Variants in PTPN13 observed in about 807,000 individuals in gnomAD.
PTPN13 encodes tyrosine-protein phosphatase non-receptor type 13.
In PTPN13, 191 loss-of-function variants were observed where a neutral mutation model predicts 284.0. That is an observed-to-expected ratio of 0.67 (90% confidence interval 0.60 to 0.76). The LOEUF is 0.76. Ranked by LOEUF, PTPN13 falls within the 30% of genes least tolerant of loss-of-function variation. The pLI is 0.00. For missense variants in PTPN13, 2,797 were observed against 2,939.9 expected (o/e 0.95, Z 1.12); for synonymous variants, 986 against 1,022.3 (o/e 0.96, Z 0.68).
At chr4:86,791,870 A>G (rs1158669807) in intron 40 of PTPN13, among the ~76,000 whole-genome samples, 1 of 152,212 alleles carries the variant, frequency 6.6e-6, no homozygotes, top group African/African-American at 2.4e-5. Context: ...ATCTAAGACC[A>G]AAGGTAGATA....
chr4:86,809,590 A>G (rs10013878), intron 45 of PTPN13, among the ~76,000 whole-genome samples, 179 bp from the exon 46 acceptor site: 1 of 152,058 alleles, frequency 6.6e-6, no homozygotes, highest in Admixed American at 6.6e-5. Context: ...CCCAGCTACT[A>G]TGAGGCAGGA....
chr4:86,697,692 A>T (rs1730719474), intron 6 of PTPN13, among the ~76,000 whole-genome samples: 1 of 152,158 alleles, frequency 6.6e-6, no homozygotes, highest in African/African-American at 2.4e-5. Context: ...TTTCTTTTGA[A>T]ACGCACTTGG....
chr4:86,809,936 C>G lies in PTPN13; in HGVS notation c.7251C>G (p.Thr2417=). 1.2e-6 allele frequency: 2 copies of G among 1,613,944 alleles called. No individual in the cohort carries two copies. The highest frequency in any genetic ancestry group is 1.3e-5 in the African/African-American group (1 of 75,020). Residue 2417 remains threonine (T), a synonymous_variant, in exon 46 of 48, where the codon ACC becomes ACG. Coordinates refer to ENST00000411767, the MANE Select transcript of PTPN13 (RefSeq NM_080683.3). Reference sequence around the variant, plus strand: ...GTGCTGGCATTGGACGTTCAGGGACCCTGATTTGCATAGATGTGGTTCTGG... The same window carrying G: ...GTGCTGGCATTGGACGTTCAGGGACGCTGATTTGCATAGATGTGGTTCTGG... ...HCSAGIGRSG[T]LICIDVVLGL...
chr4:86,754,830 G>T (rs1737788881), intron 20 of PTPN13, among the ~76,000 whole-genome samples: 1 of 151,986 alleles, frequency 6.6e-6, no homozygotes, highest in Non-Finnish European at 1.5e-5. Flanking sequence ...CCTTCAGAAG[G>T]CTTAAAGTCT....
intron 1 of PTPN13, chr4:86,595,660 C>G: frequency 1.5e-6 from 1 of 679,100 alleles, no homozygotes; most frequent in Non-Finnish European, 1.8e-6. Flanking sequence ...AAACAACAAA[C>G]GCGGTGACTT....
intron 42 of PTPN13, among the ~76,000 whole-genome samples, chr4:86,802,634 C>T (rs940874225): frequency 4.6e-5 from 7 of 152,140 alleles, no homozygotes; most frequent in Non-Finnish European, 8.8e-5. Context: ...TAGTTATCAG[C>T]CTACCTATTA....
chr4:86,658,243 C>T (rs1317905858), intron 2 of PTPN13, among the ~76,000 whole-genome samples: 4 of 152,152 alleles, frequency 2.6e-5, no homozygotes, highest in Non-Finnish European at 5.9e-5. Context: ...CACTGAGCTC[C>T]ATTGTAAAGT....
chr4:86,778,482 G>A (rs997811257), intron 35 of PTPN13, among the ~76,000 whole-genome samples: 1 of 151,768 alleles, frequency 6.6e-6, no homozygotes, highest in Non-Finnish European at 1.5e-5. Context: ...AGCAGTGCCT[G>A]GTATCACATC....
chr4:86,607,142 T>A (rs1764835898), intron 1 of PTPN13, among the ~76,000 whole-genome samples: 1 of 151,866 alleles, frequency 6.6e-6, no homozygotes, highest in African/African-American at 2.4e-5. Context: ...CCTTTAAAAC[T>A]GTTAATCTTT....
At chr4:86,652,752 ATCT>A (rs1725241083) in intron 2 of PTPN13, among the ~76,000 whole-genome samples, 2 of 151,896 alleles carry the variant, frequency 1.3e-5, no homozygotes, top group Admixed American at 6.6e-5. Context: ...TTTGGGTTAA[ATCT>A]TCTTGGTGTT....
At chr4:86,807,183 C>A (rs556806708) in intron 44 of PTPN13, among the ~76,000 whole-genome samples, 1 of 152,126 alleles carries the variant, frequency 6.6e-6, no homozygotes, top group South Asian at 2.1e-4. Flanking sequence ...TTATTATTAT[C>A]ATCATCATCA....
At chr4:86,757,644 G>C (rs550060385) in intron 20 of PTPN13, among the ~76,000 whole-genome samples, 4 of 151,680 alleles carry the variant, frequency 2.6e-5, no homozygotes, top group Admixed American at 1.3e-4. Flanking sequence ...CGTGCCTGTC[G>C]TACTAGCTAT....
chr4:86,665,488 C>G (rs1342706714), intron 2 of PTPN13, among the ~76,000 whole-genome samples: 1 of 151,950 alleles, frequency 6.6e-6, no homozygotes, highest in African/African-American at 2.4e-5. Flanking sequence ...AGTAAAACAC[C>G]AATTTGACAA....
In PTPN13 at chr4:86,635,315, A is replaced by G; in HGVS notation, c.59A>G (p.Glu20Gly). Reference sequence around the variant, plus strand: ...CGGGGTGGACCACTTCAGGAGGAAGAAATATGGGCTGTATTAAATCAAAGT... The same window carrying G: ...CGGGGTGGACCACTTCAGGAGGAAGGAATATGGGCTGTATTAAATCAAAGT... ...EVRGGPLQEE[E>G]IWAVLNQSAE... The change falls in exon 2 of 48, where the codon GAA becomes GGA. Residue 20 changes from glutamate (E) to glycine (G), a missense_variant. Transcript: ENST00000411767. 6.2e-7 allele frequency: 1 copy of G among 1,608,282 alleles called. No homozygotes were observed. The highest frequency in any genetic ancestry group is 1.7e-4 in the Middle Eastern group (1 of 6,052).
intron 1 of PTPN13, among the ~76,000 whole-genome samples, chr4:86,601,073 T>A (rs890743058): frequency 1.3e-5 from 2 of 152,122 alleles, no homozygotes; most frequent in Non-Finnish European, 2.9e-5. Flanking sequence ...GTTCAAGGAA[T>A]GAGCTTAAAG....
At chr4:86,799,059 C>T (rs781228034) in intron 41 of PTPN13, 42 bp from the exon 42 acceptor site, 3 of 1,256,560 alleles carry the variant, frequency 2.4e-6, no homozygotes, top group East Asian at 2.6e-5. Context: ...AATTTGAGTA[C>T]AAAAATGAAG....
intron 1 of PTPN13, among the ~76,000 whole-genome samples, chr4:86,627,617 G>C (rs941358798): frequency 1.3e-5 from 2 of 151,616 alleles, no homozygotes; most frequent in Non-Finnish European, 2.9e-5. Flanking sequence ...ATGTACCTAT[G>C]AGATCATCAC....
chr4:86,659,877 T>G (rs1726279624), intron 2 of PTPN13, among the ~76,000 whole-genome samples: 1 of 151,616 alleles, frequency 6.6e-6, no homozygotes, highest in East Asian at 1.9e-4. Flanking sequence ...AAGCCACACG[T>G]GCCTGATAGC....
chr4:86,744,935 T>C (rs1168965065), intron 16 of PTPN13, 31 bp from the exon 17 acceptor site: 1 of 1,453,226 alleles, frequency 6.9e-7, no homozygotes. Flanking sequence ...CTACTTACTA[T>C]AATTATGAAT....
Sources: allele counts gnomAD v4.1 joint callset (sites outside exome capture counted in the v4.1 genomes callset), GRCh38; gene constraint gnomAD v4.1.1; transcripts MANE v1.5; gene names NCBI Gene and HGNC (gene_info 2026-07-23, HGNC 2026-07-21).